Variants in NEBL observed in about 807,000 individuals in gnomAD.
The protein encoded by NEBL is LIM and SH3 protein 2.
Under a neutral mutation model 140.2 loss-of-function variants are expected in NEBL, and 122 were observed. That is an observed-to-expected ratio of 0.87 (90% CI 0.75 to 1.01). The LOEUF (loss-of-function observed/expected upper bound fraction) is 1.01, where lower values mean the gene tolerates loss of function less well. Ranked by LOEUF, NEBL falls within the 50% of genes least tolerant of loss-of-function variation. The pLI, the probability that NEBL is intolerant of heterozygous loss-of-function variation, is 0.00. For synonymous variants in NEBL, 436 were observed against 398.9 expected, an observed-to-expected ratio of 1.09 and a Z score of -1.11; for missense variants, 1,365 against 1,231.3, an observed-to-expected ratio of 1.11 and a Z score of -1.62.
intron 3 of NEBL, among the ~76,000 whole-genome samples, chr10:21,017,984 C>A: frequency 6.6e-6 from 1 of 152,220 alleles, no homozygotes; most frequent in South Asian, 2.1e-4. Flanking sequence ...CCACTCCCAG[C>A]TAATTTTTGT....
intron 1 of NEBL, among the ~76,000 whole-genome samples, chr10:21,279,377 C>A (rs1176460923): frequency 6.8e-6 from 1 of 147,992 alleles, no homozygotes; most frequent in Non-Finnish European, 1.5e-5. Flanking sequence ...CTCACTGTAA[C>A]CTCTAACTTC....
intron 6 of NEBL, 65 bp downstream of exon 6, chr10:20,869,675 G>A (rs765058448): frequency 9.4e-6 from 10 of 1,061,638 alleles, no homozygotes; most frequent in Middle Eastern, 2.0e-4. Flanking sequence ...AACCACTGAA[G>A]CTATGCTTTG....
rs1847545753 is a variant in NEBL, at chr10:20,896,897, A to G, written c.153+61T>C. On this transcript the variant is annotated intron_variant, in intron 2 of 27. Transcript: ENST00000377122. ...GTTTCCCCCACAGCTCTATGACTCT[A>G]TAACATAATAATACCACAGGTGCAA... 3.6e-6 allele frequency: 5 copies of G among 1,372,520 alleles called. No homozygotes were observed. The South Asian group carries it at 4.6e-5, about 13-fold the overall frequency. 85.0% of individuals were successfully genotyped at this position (1,372,520 alleles called of 1,614,324 possible). A position where few individuals can be genotyped will look rare whatever the true frequency, so the allele number is the denominator to read the frequency against.
chr10:21,219,976 C>A (rs1041058199), intron 3 of NEBL, among the ~76,000 whole-genome samples: 1 of 151,238 alleles, frequency 6.6e-6, no homozygotes, highest in South Asian at 2.1e-4. Flanking sequence ...TACCATGGGA[C>A]GATCTCGGCT....
intron 26 of NEBL, among the ~76,000 whole-genome samples, chr10:20,805,406 T>A (rs1358327699): frequency 6.6e-6 from 1 of 152,200 alleles, no homozygotes; most frequent in African/African-American, 2.4e-5. Context: ...ACATGTCACT[T>A]GTGTTTATGT....
intron 26 of NEBL, 35 bp from the exon 27 acceptor site, chr10:20,787,343 T>C: frequency 6.5e-6 from 10 of 1,542,830 alleles, no homozygotes; most frequent in African/African-American, 1.4e-5. Flanking sequence ...CAAAGATTCC[T>C]TAAAGTTAGC....
intron 3 of NEBL, among the ~76,000 whole-genome samples, chr10:21,195,096 A>T (rs1841627950): frequency 6.6e-6 from 1 of 152,132 alleles, no homozygotes; most frequent in Admixed American, 6.6e-5. Flanking sequence ...GAATTTCACA[A>T]ATTATTAACT....
intron 2 of NEBL, among the ~76,000 whole-genome samples, chr10:21,036,403 A>T (rs1289214619): frequency 3.3e-5 from 5 of 152,124 alleles, no homozygotes; most frequent in Non-Finnish European, 5.9e-5. Context: ...GCAGTGAGCC[A>T]TAATTGCACC....
chr10:20,872,140 A>T (rs915614277), intron 5 of NEBL, among the ~76,000 whole-genome samples: 8 of 152,340 alleles, frequency 5.3e-5, no homozygotes, highest in African/African-American at 1.9e-4. Context: ...TTACCTAATT[A>T]TATGGTGTTC....
chr10:21,137,119 G>C (rs1483148788), intron 2 of NEBL, among the ~76,000 whole-genome samples: 8 of 152,154 alleles, frequency 5.3e-5, no homozygotes, highest in Non-Finnish European at 8.8e-5. Context: ...GGTAGATATG[G>C]GTCTTAGTCC....
intron 3 of NEBL, among the ~76,000 whole-genome samples, chr10:21,233,806 A>G (rs11012599): frequency 7.0e-6 from 1 of 142,292 alleles, no homozygotes; most frequent in African/African-American, 2.7e-5. Context: ...TTACATATAT[A>G]GATATATATT....
chr10:20,792,026 A>C (rs1393074091), intron 26 of NEBL, among the ~76,000 whole-genome samples: 1 of 152,080 alleles, frequency 6.6e-6, no homozygotes, highest in African/African-American at 2.4e-5. Context: ...TGTGCAGTGA[A>C]GCCACAGTTA....
chr10:20,872,578 G>A (rs1476912942), intron 5 of NEBL, among the ~76,000 whole-genome samples: 1 of 152,190 alleles, frequency 6.6e-6, no homozygotes, highest in Non-Finnish European at 1.5e-5. Context: ...AAGGGAATGG[G>A]TAAAATGAGG....
intron 27 of NEBL, 121 bp from the exon 28 acceptor site, chr10:20,786,044 C>A: frequency 2.2e-6 from 2 of 927,986 alleles, no homozygotes; most frequent in South Asian, 1.5e-5. Context: ...ACACATGTAT[C>A]TCTGGAAATC....
rs1045018443 is a variant in NEBL, at chr10:20,779,983, G to A, written c.*5764C>T. On this transcript the variant is annotated 3_prime_UTR_variant, in exon 28 of 28. Transcript: ENST00000377122. ...ACAGAAAATCCAATATTTGGAAGAA[G>A]TGTTTATTCTACGAGCAGATGTCAT... The A allele has an allele frequency of 6.6e-6, 1 of 152,146 alleles. No individual in the cohort carries two copies. Among genetic ancestry groups the A allele is most frequent in the Non-Finnish European group, 1.5e-5 (1 of 68,026 alleles). The allele number at this position is 152,146 out of a possible 1,614,324, so 9.4% of individuals were successfully genotyped here.
chr10:20,803,914 C>T (rs1466246865), intron 26 of NEBL, among the ~76,000 whole-genome samples: 5 of 150,188 alleles, frequency 3.3e-5, no homozygotes, highest in African/African-American at 4.9e-5. Context: ...CATATCAAAA[C>T]ATCATAAAAA....
chr10:21,146,478 T>C (rs1839901044), intron 2 of NEBL: 4 of 1,613,692 alleles, frequency 2.5e-6, no homozygotes, highest in South Asian at 1.1e-5. Context: ...ATGCTTTCCA[T>C]AGAGTAGATT....
chr10:20,997,853 G>C (rs540527425), intron 3 of NEBL, among the ~76,000 whole-genome samples: 139 of 152,208 alleles, frequency 9.1e-4, no homozygotes, highest in African/African-American at 3.3e-3. Context: ...TTCAATACCA[G>C]TTAAGATGGG....
At chr10:21,029,858 C>A in intron 2 of NEBL, 1 of 680,574 alleles carries the variant, frequency 1.5e-6, no homozygotes, top group Non-Finnish European at 2.7e-6. Flanking sequence ...CAGTGGGTAC[C>A]CAGGGACAAT....
Sources: allele counts gnomAD v4.1 joint callset (sites outside exome capture counted in the v4.1 genomes callset), GRCh38; gene constraint gnomAD v4.1.1; transcripts MANE v1.5; gene names NCBI Gene and HGNC (gene_info 2026-07-23, HGNC 2026-07-21).